The following CALD1 variants were observed in gnomAD, a reference collection of about 807,000 sequenced individuals.
CALD1 encodes caldesmon 1, also known as caldesmon.
A neutral mutation model predicts 99.9 loss-of-function variants in CALD1; 33 were observed. The ratio of observed to expected loss-of-function variants is 0.33; its 90% CI spans 0.25 to 0.44. The LOEUF (loss-of-function observed/expected upper bound fraction) is 0.44. CALD1 is among the 20% of genes least tolerant of loss of function. The probability of loss-of-function intolerance (pLI) is 1.00; values close to 1 mark genes in which losing one functional copy is unlikely to be tolerated. For missense variants in CALD1, 861 were observed against 962.1 expected (o/e 0.89, Z 1.39); for synonymous variants, 310 against 325.0 (o/e 0.95, Z 0.50).
intron 3 of CALD1, among the ~76,000 whole-genome samples, chr7:134,900,683 G>C (rs1802926093): frequency 6.6e-6 from 1 of 152,012 alleles, no homozygotes; most frequent in African/African-American, 2.4e-5. Context: ...TAATTTCACT[G>C]GCCTAAGTTT....
chr7:134,737,379 T>C, the CALD1 span, among the ~76,000 whole-genome samples: 7 of 152,164 alleles, frequency 4.6e-5, no homozygotes, highest in African/African-American at 1.4e-4. Context: ...TCCTCCCACC[T>C]TGGCTTCCCA....
At chr7:134,798,769 G>T (rs941769955) in intron 1 of CALD1, among the ~76,000 whole-genome samples, 4 of 152,204 alleles carry the variant, frequency 2.6e-5, no homozygotes, top group African/African-American at 9.7e-5. Flanking sequence ...GTTACCAGCA[G>T]ACACTAGTGG....
intron 2 of CALD1, among the ~76,000 whole-genome samples, chr7:134,863,441 A>G (rs1800650461): frequency 1.3e-5 from 2 of 152,230 alleles, no homozygotes; most frequent in African/African-American, 4.8e-5. Context: ...CTTCTTCCAC[A>G]TGGCCTTGTC....
chr7:134,851,360 C>T (rs140178976), intron 2 of CALD1, among the ~76,000 whole-genome samples: 1 of 152,304 alleles, frequency 6.6e-6, no homozygotes, highest in Non-Finnish European at 1.5e-5. Flanking sequence ...GTCACTTCCA[C>T]TCCCTGATGC....
intron 7 of CALD1, among the ~76,000 whole-genome samples, chr7:134,945,544 C>T (rs1053269086): frequency 1.3e-5 from 2 of 152,174 alleles, no homozygotes; most frequent in Non-Finnish European, 2.9e-5. Flanking sequence ...ATATTATTCT[C>T]TGTCTTACCT....
At chr7:134,748,684 C>G (rs1055334228) in intron 1 of CALD1, among the ~76,000 whole-genome samples, 5 of 151,776 alleles carry the variant, frequency 3.3e-5, no homozygotes, top group South Asian at 2.1e-4. Flanking sequence ...GCATTCCAGC[C>G]TGTGCAACAA....
At chr7:134,892,775 T>C (rs1039135216) in intron 3 of CALD1, among the ~76,000 whole-genome samples, 8 of 152,220 alleles carry the variant, frequency 5.3e-5, no homozygotes, top group African/African-American at 1.4e-4. Context: ...ATAAAGGAGA[T>C]GTTCTGGTTA....
At chr7:134,874,489 C>T (rs1203943996) in intron 3 of CALD1, among the ~76,000 whole-genome samples, 3 of 152,158 alleles carry the variant, frequency 2.0e-5, no homozygotes, top group South Asian at 4.1e-4. Context: ...TTCTGAGAAA[C>T]CAGCAGTGAT....
chr7:134,765,227 A>G (rs1008471937), intron 1 of CALD1, among the ~76,000 whole-genome samples: 8 of 151,772 alleles, frequency 5.3e-5, no homozygotes, highest in African/African-American at 1.9e-4. Flanking sequence ...AAGCAGGATA[A>G]TTGCTTAAGC....
chr7:134,838,379 A>C (rs1341337541), intron 1 of CALD1, among the ~76,000 whole-genome samples: 1 of 152,240 alleles, frequency 6.6e-6, no homozygotes, highest in African/African-American at 2.4e-5. Context: ...AAGAGGAAAC[A>C]TTGTTCAAGG....
At chr7:134,765,775 G>A (rs1044841124) in intron 1 of CALD1, among the ~76,000 whole-genome samples, 10 of 151,752 alleles carry the variant, frequency 6.6e-5, no homozygotes, top group Non-Finnish European at 1.0e-4. Flanking sequence ...TGATTGGATC[G>A]TGGTGATGGA....
chr7:134,884,403 C>T (rs1019822710), intron 3 of CALD1, among the ~76,000 whole-genome samples: 4 of 152,140 alleles, frequency 2.6e-5, no homozygotes, highest in East Asian at 1.9e-4. Context: ...ATGAAGAAGT[C>T]GCTATTGACT....
chr7:134,815,160 C>A (rs192057210), intron 1 of CALD1, among the ~76,000 whole-genome samples: 3 of 152,098 alleles, frequency 2.0e-5, no homozygotes, highest in Non-Finnish European at 4.4e-5. Context: ...ACAAGTGATG[C>A]CAAGGATTGC....
intron 4 of CALD1, among the ~76,000 whole-genome samples, chr7:134,932,195 T>C (rs1805571887): frequency 6.6e-6 from 1 of 152,176 alleles, no homozygotes; most frequent in Non-Finnish European, 1.5e-5. Flanking sequence ...GCAAATTTAA[T>C]CCTTGAGTGG....
chr7:134,933,390 G>A lies in CALD1; in HGVS notation c.621G>A (p.Gln207=). ...AGCGAGGGAGCATTGGAGAAAATCA[G>A]GTAGAGGTGATGGTGGAAGAGAAAA... ...KPKRGSIGEN[Q]VEVMVEEKTT... is the part of the protein sequence containing the mutation. The change falls in exon 5 of 15, where the codon CAG becomes CAA. Residue 207 remains glutamine, a synonymous_variant. Transcript: ENST00000361675. 1 of 1,612,010 alleles carries A rather than the reference G, an allele frequency of 6.2e-7. No individual in the cohort carries two copies. Among genetic ancestry groups the A allele is most frequent in the South Asian group, 1.1e-5 (1 of 90,736 alleles).
intron 2 of CALD1, among the ~76,000 whole-genome samples, chr7:134,862,360 TA>T (rs938953448): frequency 1.1e-4 from 17 of 152,322 alleles, no homozygotes; most frequent in Admixed American, 5.9e-4. Context: ...GTTACCCAGA[TA>T]AAGTAAAATT....
At chr7:134,736,537 C>G in the CALD1 span, among the ~76,000 whole-genome samples, 1,140 of 152,250 alleles carry the variant, frequency 7.5e-3, 22 homozygotes, top group African/African-American at 0.026. Flanking sequence ...TGTTTTCTTA[C>G]AGATAGGCAA....
intron 4 of CALD1, among the ~76,000 whole-genome samples, chr7:134,930,434 G>GGTTTTA (rs1475683195): frequency 6.6e-6 from 1 of 152,100 alleles, no homozygotes; most frequent in East Asian, 1.9e-4. Context: ...ATGTGGTTTT[G>GGTTTTA]GTTTTAGTTT....
chr7:134,771,066 C>G (rs1391117506), intron 1 of CALD1, among the ~76,000 whole-genome samples: 1 of 152,214 alleles, frequency 6.6e-6, no homozygotes, highest in East Asian at 1.9e-4. Flanking sequence ...TCAACTGCCT[C>G]TTCCCCTGAG....
Sources: gnomAD v4.1 joint callset for allele counts (sites outside exome capture counted in the v4.1 genomes callset) on GRCh38, gnomAD v4.1.1 for gene constraint, MANE v1.5 for transcripts, NCBI Gene and HGNC (gene_info 2026-07-23, HGNC 2026-07-21) for gene names.